C11orf65: variants seen among roughly 807,000 people sequenced by gnomAD.
The protein encoded by C11orf65 is chromosome 11 open reading frame 65, also known as protein MFI.
In C11orf65, 38 loss-of-function variants were observed where a neutral mutation model predicts 35.3. That is an observed-to-expected ratio of 1.08 (90% CI 0.83 to 1.41). C11orf65 has a LOEUF of 1.41. Ranked by LOEUF, C11orf65 falls within the 40% of genes most tolerant of loss-of-function variation. The pLI, the probability that C11orf65 is intolerant of heterozygous loss-of-function variation, is 0.00. For missense variants in C11orf65, 370 were observed against 367.1 expected (o/e 1.01, Z -0.06); for synonymous variants, 105 against 114.4 (o/e 0.92, Z 0.53).
chr11:108,353,212 G>C (rs752737346), intron 2 of C11orf65, among the ~76,000 whole-genome samples: 2 of 151,674 alleles, frequency 1.3e-5, no homozygotes, highest in Non-Finnish European at 2.9e-5. Context: ...GCAATGGCAC[G>C]ATCTCAGCTC....
At chr11:108,329,286 A>G (rs2136426967), downstream of C11orf65, 1 of 1,503,026 alleles carries the variant, frequency 6.7e-7, no homozygotes, top group Non-Finnish European at 9.2e-7. Flanking sequence ...CAGTTAACTG[A>G]GTGAGTGTTT....
chr11:108,441,713 T>C (rs2093157570), intron 2 of C11orf65, among the ~76,000 whole-genome samples: 1 of 152,096 alleles, frequency 6.6e-6, no homozygotes, highest in Non-Finnish European at 1.5e-5. Context: ...GCAAACAAGG[T>C]CTGGAGTGGA....
chr11:108,466,844 A>G (rs2093545602), intron 1 of C11orf65, among the ~76,000 whole-genome samples: 1 of 152,222 alleles, frequency 6.6e-6, no homozygotes, highest in South Asian at 2.1e-4. Context: ...ACTTTGCTTG[A>G]ATTGGAACCT....
At chr11:108,422,702 T>A (rs993096939) in intron 3 of C11orf65, among the ~76,000 whole-genome samples, 1 of 152,022 alleles carries the variant, frequency 6.6e-6, no homozygotes, top group African/African-American at 2.4e-5. Flanking sequence ...GCTAACATGG[T>A]GAAACCCCGT....
intron 2 of C11orf65, among the ~76,000 whole-genome samples, chr11:108,348,618 T>C (rs570938593): frequency 6.6e-6 from 1 of 151,814 alleles, no homozygotes; most frequent in South Asian, 2.1e-4. Flanking sequence ...CAAACTTCTA[T>C]TAAACAGTAT....
chr11:108,348,438 A>G (rs2088756011), intron 2 of C11orf65, among the ~76,000 whole-genome samples: 1 of 151,134 alleles, frequency 6.6e-6, no homozygotes, highest in East Asian at 2.0e-4. Context: ...TATAAGAAAG[A>G]AAGAATATAT....
chr11:108,429,518 A>G (rs974953348), intron 3 of C11orf65, among the ~76,000 whole-genome samples: 2 of 152,252 alleles, frequency 1.3e-5, no homozygotes, highest in African/African-American at 2.4e-5. Context: ...TATGAAGAAT[A>G]TATAACCCTT....
At chr11:108,462,990 G>A (rs905853918) in intron 1 of C11orf65, among the ~76,000 whole-genome samples, 1 of 152,138 alleles carries the variant, frequency 6.6e-6, no homozygotes, top group African/African-American at 2.4e-5. Context: ...AGCTGGGCAG[G>A]TTGGCACATA....
intron 7 of C11orf65, among the ~76,000 whole-genome samples, chr11:108,388,627 A>C (rs1368144689): frequency 6.6e-6 from 1 of 152,212 alleles, no homozygotes; most frequent in East Asian, 1.9e-4. Context: ...GAGTATCAGG[A>C]AATTATTTAA....
chr11:108,409,660 G>T (rs2092620480), intron 3 of C11orf65, among the ~76,000 whole-genome samples: 1 of 151,998 alleles, frequency 6.6e-6, no homozygotes, highest in African/African-American at 2.4e-5. Context: ...CCAGGCCATG[G>T]ACTGGTACCA....
At chr11:108,378,086 T>G (rs12362186), downstream of C11orf65, among the ~76,000 whole-genome samples, 1 of 151,780 alleles carries the variant, frequency 6.6e-6, no homozygotes, top group Non-Finnish European at 1.5e-5. Context: ...AATGCCATCC[T>G]CATCAAGCTA....
intron 6 of C11orf65, chr11:108,309,095 T>C (rs1393638644): frequency 2.3e-6 from 3 of 1,332,704 alleles, no homozygotes; most frequent in Admixed American, 2.0e-5. Flanking sequence ...GAATGGGATA[T>C]AGAAAAACGG....
intron 3 of C11orf65, chr11:108,332,730 C>A (rs1263381786): frequency 6.2e-7 from 1 of 1,602,876 alleles, no homozygotes; most frequent in South Asian, 1.1e-5. Flanking sequence ...TGGGTAGTTC[C>A]TTATGTAATG....
chr11:108,314,823 A>G (rs1367968787), intron 6 of C11orf65, among the ~76,000 whole-genome samples: 1 of 152,200 alleles, frequency 6.6e-6, no homozygotes, highest in Non-Finnish European at 1.5e-5. Context: ...TATTGAGAAA[A>G]TGATAAGGAA....
At chr11:108,344,051 C>T (rs2087960738) in intron 2 of C11orf65, among the ~76,000 whole-genome samples, 1 of 152,142 alleles carries the variant, frequency 6.6e-6, no homozygotes, top group Admixed American at 6.5e-5. Context: ...TGCCCAAGGC[C>T]AGTGAGCTAA....
intron 6 of C11orf65, chr11:108,325,249 G>GTTTTTTTTTTTTT (rs11366542): frequency 3.5e-6 from 2 of 566,212 alleles, no homozygotes; most frequent in Non-Finnish European, 3.0e-6. Context: ...AACTTACATA[G>GTTTTTTTTTTTTT]TTTTTTTTTT....
chr11:108,418,648 TAAAC>T (rs2092774467), intron 3 of C11orf65, among the ~76,000 whole-genome samples: 2 of 151,242 alleles, frequency 1.3e-5, no homozygotes, highest in South Asian at 4.2e-4. Flanking sequence ...AAGGAAATAA[TAAAC>T]AGCAGAAAAT....
At chr11:108,373,572 G>A (rs895137213) in intron 2 of C11orf65, among the ~76,000 whole-genome samples, 15 of 152,186 alleles carry the variant, frequency 9.9e-5, no homozygotes, top group East Asian at 1.9e-4. Context: ...GAACAGCTCC[G>A]GTCTACAGCT....
chr11:108,403,421 T>TG (rs1178910288), intron 6 of C11orf65, among the ~76,000 whole-genome samples: 3 of 129,614 alleles, frequency 2.3e-5, no homozygotes, highest in African/African-American at 1.0e-4. Flanking sequence ...TTTTTTTTTG[T>TG]TTTTTTTTTT....
Sources: allele counts gnomAD v4.1 joint callset (sites outside exome capture counted in the v4.1 genomes callset), GRCh38; gene constraint gnomAD v4.1.1; transcripts MANE v1.5; gene names NCBI Gene and HGNC (gene_info 2026-07-23, HGNC 2026-07-21).